Variants in C8orf34 observed in about 807,000 individuals in gnomAD.
C8orf34 encodes uncharacterized protein C8orf34.
A neutral mutation model predicts 68.3 loss-of-function variants in C8orf34; 65 were observed. The observed-to-expected ratio is 0.95, with a 90% CI of 0.78 to 1.17. C8orf34 has a LOEUF of 1.17. Among genes scored for constraint, C8orf34 ranks in the 50% most tolerant of loss-of-function variants. The probability of loss-of-function intolerance (pLI) is 0.00; values close to 1 mark genes in which losing one functional copy is unlikely to be tolerated. For missense variants in C8orf34, 664 were observed against 655.4 expected (o/e 1.01, Z -0.14); for synonymous variants, 244 against 241.2 (o/e 1.01, Z -0.11).
intron 1 of C8orf34, among the ~76,000 whole-genome samples, chr8:68,393,513 C>G (rs1224250629): frequency 6.6e-6 from 1 of 152,028 alleles, no homozygotes; most frequent in East Asian, 1.9e-4. Flanking sequence ...AACTCTGTCA[C>G]CAGGTCAGGC....
chr8:68,665,573 T>TCTC (rs1374801334), intron 8 of C8orf34, among the ~76,000 whole-genome samples: 1 of 152,106 alleles, frequency 6.6e-6, no homozygotes, highest in Non-Finnish European at 1.5e-5. Flanking sequence ...TTCGTACCAT[T>TCTC]CTCCTCGTGG....
intron 5 of C8orf34, among the ~76,000 whole-genome samples, chr8:68,500,316 C>T (rs1212705142): frequency 6.6e-6 from 1 of 152,028 alleles, no homozygotes; most frequent in South Asian, 2.1e-4. Flanking sequence ...AATAACTGGC[C>T]CATACTTTTC....
At chr8:68,400,944 T>C (rs1021919393) in intron 1 of C8orf34, among the ~76,000 whole-genome samples, 11 of 152,182 alleles carry the variant, frequency 7.2e-5, no homozygotes, top group Admixed American at 6.5e-4. Context: ...AGAGTTTGCA[T>C]TGACTCTGTA....
At chr8:68,490,973 A>G (rs549942927) in intron 5 of C8orf34, among the ~76,000 whole-genome samples, 14 of 152,288 alleles carry the variant, frequency 9.2e-5, no homozygotes, top group Admixed American at 7.8e-4. Flanking sequence ...TTCACCTGGT[A>G]CCTATGTCTT....
intron 1 of C8orf34, among the ~76,000 whole-genome samples, chr8:68,381,733 C>T (rs1384638854): frequency 1.6e-5 from 1 of 61,500 alleles, no homozygotes; most frequent in Non-Finnish European, 2.7e-5. Flanking sequence ...AGCGAGACTC[C>T]GTCTCAAAAA....
chr8:68,409,390 C>G (rs1202405166), intron 1 of C8orf34, among the ~76,000 whole-genome samples: 1 of 152,064 alleles, frequency 6.6e-6, no homozygotes, highest in African/African-American at 2.4e-5. Flanking sequence ...TATTGATGAT[C>G]CTGACCCTGT....
intron 8 of C8orf34, among the ~76,000 whole-genome samples, chr8:68,657,498 T>G (rs1161620047): frequency 1.3e-5 from 2 of 152,206 alleles, no homozygotes; most frequent in African/African-American, 4.8e-5. Context: ...CTTCCCAGTC[T>G]ACGGAACTGT....
At chr8:68,504,989 A>G (rs770969901) in intron 5 of C8orf34, among the ~76,000 whole-genome samples, 9 of 151,834 alleles carry the variant, frequency 5.9e-5, no homozygotes, top group Non-Finnish European at 1.3e-4. Context: ...TAAGTTTTGT[A>G]TTTTTAGTAG....
intron 1 of C8orf34, among the ~76,000 whole-genome samples, chr8:68,397,557 G>T (rs1387881050): frequency 6.6e-6 from 1 of 151,714 alleles, no homozygotes; most frequent in Non-Finnish European, 1.5e-5. Context: ...AAAGTATATG[G>T]TATAATAATT....
At chr8:68,582,961 AAG>A (rs1817109408) in intron 7 of C8orf34, among the ~76,000 whole-genome samples, 1 of 152,140 alleles carries the variant, frequency 6.6e-6, no homozygotes. Context: ...CTCCATTGAT[AAG>A]AGTCTTTTGT....
At chr8:68,380,064 G>A (rs1807967922) in intron 1 of C8orf34, among the ~76,000 whole-genome samples, 1 of 152,122 alleles carries the variant, frequency 6.6e-6, no homozygotes, top group Non-Finnish European at 1.5e-5. Flanking sequence ...ATCTCCCCGT[G>A]TTGCCCAGGT....
At chr8:68,517,939 A>T (rs1158688285) in intron 5 of C8orf34, among the ~76,000 whole-genome samples, 1 of 152,250 alleles carries the variant, frequency 6.6e-6, no homozygotes, top group African/African-American at 2.4e-5. Context: ...TTATAGGATG[A>T]AAATCTGCAC....
At chr8:68,567,125 A>G (rs1312044516) in intron 7 of C8orf34, among the ~76,000 whole-genome samples, 1 of 152,080 alleles carries the variant, frequency 6.6e-6, no homozygotes, top group Non-Finnish European at 1.5e-5. Context: ...TTGGTATTAG[A>G]GTGATACTGG....
Position 68,617,798 on chromosome 8 carries a change from G to T in C8orf34, c.1106-22578G>T, listed in dbSNP as rs1818271244. ...TCTTCTCGAGGAGTATCTTTGTGGA[G>T]TTCTCTGTATTTCCTGAATCTGAAT... On this transcript the variant is annotated intron_variant, in intron 7 of 13. Coordinates refer to ENST00000518698, the MANE Select transcript of C8orf34 (RefSeq NM_052958.4). 2.0e-5 allele frequency among the ~76,000 whole-genome samples: 3 copies of T among 152,116 alleles called. No homozygotes were observed. In the South Asian group the frequency reaches 6.2e-4, roughly 31 times the overall value.
rs529586950 is a variant in C8orf34 at position 68,798,740 on chromosome 8, A to G, written c.1549+11204A>G. ...GTTTCTAGAGGGCAAATGCCTCTGA[A>G]TCATTTGTGTGCTATTCTTATTTTG... On this transcript the variant is annotated intron_variant, in intron 12 of 13. Coordinates refer to ENST00000518698, the MANE Select transcript of C8orf34 (RefSeq NM_052958.4). Among the ~76,000 whole-genome samples, 229 of 152,298 alleles carry G rather than the reference A, an allele frequency of 1.5e-3. 1 individual carries two copies. The highest frequency in any genetic ancestry group is 5.3e-3 in the African/African-American group (221 of 41,578).
intron 8 of C8orf34, among the ~76,000 whole-genome samples, chr8:68,685,766 C>T (rs1253317131): frequency 2.6e-5 from 4 of 151,896 alleles, no homozygotes; most frequent in African/African-American, 7.3e-5. Context: ...CTTCCAGCTA[C>T]TCAGGAGGCT....
At chr8:68,415,022 ACAGTGT>A (rs1457399571) in intron 1 of C8orf34, among the ~76,000 whole-genome samples, 1 of 152,120 alleles carries the variant, frequency 6.6e-6, no homozygotes, top group Non-Finnish European at 1.5e-5. Context: ...TTTGAGACCC[ACAGTGT>A]CAAAGTTCAT....
intron 8 of C8orf34, among the ~76,000 whole-genome samples, chr8:68,655,773 T>G (rs1819494855): frequency 6.6e-6 from 1 of 152,142 alleles, no homozygotes; most frequent in African/African-American, 2.4e-5. Flanking sequence ...GTTTAGGGGA[T>G]GGGGGAAACC....
intron 1 of C8orf34, among the ~76,000 whole-genome samples, chr8:68,388,941 G>A (rs542461038): frequency 2.0e-5 from 3 of 152,180 alleles, no homozygotes; most frequent in East Asian, 3.9e-4. Flanking sequence ...TAAGTTTCTC[G>A]TTAGCCTTTT....
Sources: gnomAD v4.1 joint callset for allele counts (sites outside exome capture counted in the v4.1 genomes callset) on GRCh38, gnomAD v4.1.1 for gene constraint, MANE v1.5 for transcripts, NCBI Gene and HGNC (gene_info 2026-07-23, HGNC 2026-07-21) for gene names.